LMOD3: variants seen among roughly 807,000 people sequenced by gnomAD.
The protein encoded by LMOD3 is leiomodin-3.
LMOD3 carries 31 observed loss-of-function variants against 41.8 expected under a neutral mutation model. That is an observed-to-expected ratio of 0.74 (90% CI 0.56 to 1.00). The LOEUF is 1.00. Ranked by LOEUF, LMOD3 falls within the 50% of genes least tolerant of loss-of-function variation. LMOD3 has a pLI of 0.00. For synonymous variants in LMOD3, 292 were observed against 241.9 expected, an observed-to-expected ratio of 1.21 and a Z score of -1.92; for missense variants, 755 against 679.5, an observed-to-expected ratio of 1.11 and a Z score of -1.23.
intron 2 of LMOD3, among the ~76,000 whole-genome samples, chr3:69,110,948 A>G (rs2092347613): frequency 6.6e-6 from 1 of 150,744 alleles, no homozygotes; most frequent in Non-Finnish European, 1.5e-5. Context: ...AACCCACTTC[A>G]TACTTCTGCC....
At position 69,122,142 on chromosome 3, in the gene LMOD3, C is replaced by A. The variant is rs1347733860; in HGVS notation, c.245G>T (p.Arg82Met). Residue 82 changes from arginine to methionine, a missense_variant, in exon 1 of 3, where the codon AGG (arginine) becomes ATG (methionine). By Grantham distance (91) the Arg-to-Met change is moderately conservative. Coordinates refer to ENST00000420581, the MANE Select transcript of LMOD3 (RefSeq NM_198271.5). ...VDYMYWEKAS[R>M]RMLEEERVPV... ...AACTCGTTCCTCTTCCAGCATGCGC[C>A]TGGATGCCTTTTCCCAATACATATA... 1 of 1,612,884 alleles carries A rather than the reference C, an allele frequency of 6.2e-7. No homozygotes were observed. Among genetic ancestry groups the A allele is most frequent in the East Asian group, 2.2e-5 (1 of 44,790 alleles).
Position 69,119,752 on chromosome 3 carries a change from GTC to G in LMOD3, c.601_602del (p.Asp201GlnfsTer9), listed in dbSNP as rs2107526689. The part of the protein sequence containing the change: ...VTDKAFKEQR[D>X]RPEAQEQSEK... ...CACTTTGTTCTTGGGCCTCTGGTCT[GTC>G]TCTCTGTTCTTTGAATGCTTTGTCA... is the stretch of plus-strand genomic sequence containing the variant. On this transcript the variant is annotated frameshift_variant, in exon 2 of 3. Coordinates refer to ENST00000420581, the MANE Select transcript of LMOD3 (RefSeq NM_198271.5). LOFTEE classifies it high-confidence loss of function. The G allele has an allele frequency of 1.2e-6, 2 of 1,613,700 alleles. No individual in the cohort carries two copies. Among genetic ancestry groups the G allele is most frequent in the East Asian group, 4.5e-5 (2 of 44,834 alleles).
intron 2 of LMOD3, 30 bp downstream of exon 2, chr3:69,118,669 C>A (rs915423189): frequency 6.3e-7 from 1 of 1,590,760 alleles, no homozygotes; most frequent in African/African-American, 1.3e-5. Context: ...GGAGGGTGCT[C>A]AGTCACCATT....
At position 69,119,440 on chromosome 3, in the gene LMOD3, C is replaced by T; in HGVS notation, c.915G>A (p.Met305Ile). The change falls in exon 2 of 3, where the codon ATG (methionine) becomes ATA (isoleucine). Residue 305 changes from methionine to isoleucine, a missense_variant. Transcript: ENST00000420581. ...TGGTGATGCTTCTATTTTCACGCAACATGTTAGCCAAGGCAAATGCTACAT... is the reference window on the plus strand; with the variant it reads ...TGGTGATGCTTCTATTTTCACGCAATATGTTAGCCAAGGCAAATGCTACAT... ...DENVAFALAN[M>I]LRENRSITTL... 6.2e-7 allele frequency: 1 copy of T among 1,614,010 alleles called. No individual in the cohort carries two copies. The highest frequency in any genetic ancestry group is 2.2e-5 in the East Asian group (1 of 44,888).
Position 69,118,749 on chromosome 3 carries a change from C to T in LMOD3, c.1606G>A (p.Asp536Asn), listed in dbSNP as rs536143048. 1.9e-6 allele frequency: 3 copies of T among 1,612,526 alleles called. No homozygotes were observed. Among genetic ancestry groups the T allele is most frequent in the Non-Finnish European group, 2.5e-6 (3 of 1,179,614 alleles). ...PPPLVEITPR[D>N]QLLNDIRHSS... ...TGACGAATGTCGTTTAGCAGCTGAT[C>T]TCTGGGAGTGATTTCCACCAATGGG... is the stretch of plus-strand genomic sequence containing the variant. The change falls in exon 2 of 3, where the codon GAT (aspartate) becomes AAT (asparagine). Residue 536 changes from aspartate to asparagine, a missense_variant. By Grantham distance (23) the Asp-to-Asn change is conservative (BLOSUM62 1). Coordinates refer to ENST00000420581, the MANE Select transcript of LMOD3 (RefSeq NM_198271.5).
Position 69,119,724 on chromosome 3 carries a change from TCTCA to T in LMOD3, c.627_630del (p.Ser209ArgfsTer7). ...TTAGGATCTAATTTCGATATTTTTTTCTCACTTTGTTCTTGGGCCTCTGGTCTGT... is the reference window on the plus strand; with the variant it reads ...TTAGGATCTAATTTCGATATTTTTTTCTTTGTTCTTGGGCCTCTGGTCTGT... On this transcript the variant is annotated frameshift_variant, in exon 2 of 3. Coordinates refer to ENST00000420581, the MANE Select transcript of LMOD3 (RefSeq NM_198271.5). LOFTEE classifies it high-confidence loss of function. The T allele has an allele frequency of 6.2e-7, 1 of 1,613,974 alleles. No individual in the cohort carries two copies.
In LMOD3 at chr3:69,106,956, C is replaced by T. The variant is rs1046045227; in HGVS notation, c.*2139G>A. The T allele has an allele frequency of 2.7e-5, 4 of 150,488 alleles. No homozygotes were observed. The highest frequency in any genetic ancestry group is 4.4e-5 in the Non-Finnish European group (3 of 67,770). The allele number at this position is 150,488 out of a possible 1,614,324, so 9.3% of individuals were successfully genotyped here. A position where few individuals can be genotyped will look rare whatever the true frequency, so the allele number is the denominator to read the frequency against. The stretch of plus-strand genomic sequence containing the variant: ...CTCCTGACCTCATGTGATTCACCCA[C>T]CTCGGCCGCCTACAGTGCTGGGATT... On this transcript the variant is annotated 3_prime_UTR_variant, in exon 3 of 3. Transcript: ENST00000420581.
chr3:69,122,456 A>C lies in LMOD3; in HGVS notation c.-70T>G. The C allele has an allele frequency of 8.4e-7, 1 of 1,186,836 alleles. No homozygotes were observed. 73.5% of individuals were successfully genotyped at this position (1,186,836 alleles called of 1,614,324 possible). On this transcript the variant is annotated 5_prime_UTR_variant, in exon 1 of 3. Coordinates refer to ENST00000420581, the MANE Select transcript of LMOD3 (RefSeq NM_198271.5). ...AGATGATTTTTAAAAAGAAGGAAAAAAGCCTCAAGAAGGTCCCCCAGTTAA... is the reference window on the plus strand; with the variant it reads ...AGATGATTTTTAAAAAGAAGGAAAACAGCCTCAAGAAGGTCCCCCAGTTAA...
chr3:69,119,113 C>T lies in LMOD3; in HGVS notation c.1242G>A (p.Lys414=), dbSNP rs770043249. Reference sequence around the variant, plus strand: ...CATTCTCTAACATGGCTATCAGCTTCTTCTGTTCCTTGAGTTGCTGCTGTT... The same window carrying T: ...CATTCTCTAACATGGCTATCAGCTTTTTCTGTTCCTTGAGTTGCTGCTGTT... ...EQKQQQLKEQ[K]KLIAMLENGL... Residue 414 remains lysine (K), a synonymous_variant, in exon 2 of 3, where the codon AAG becomes AAA. Coordinates refer to ENST00000420581, the MANE Select transcript of LMOD3 (RefSeq NM_198271.5). 6.2e-7 allele frequency: 1 copy of T among 1,613,812 alleles called. No homozygotes were observed. The highest frequency in any genetic ancestry group is 8.5e-7 in the Non-Finnish European group (1 of 1,179,858).
chr3:69,120,479 A>G (rs948028385), intron 1 of LMOD3, among the ~76,000 whole-genome samples: 4 of 151,736 alleles, frequency 2.6e-5, no homozygotes, highest in Non-Finnish European at 5.9e-5. Flanking sequence ...TAGAATAAGG[A>G]AATTATTGCC....
In LMOD3 at chr3:69,107,538, G is replaced by A. The variant is rs553030363; in HGVS notation, c.*1557C>T. On this transcript the variant is annotated 3_prime_UTR_variant, in exon 3 of 3. Transcript: ENST00000420581. ...GTCACCCAGGCTGGAGTACAGTGAC[G>A]TGATCTTGTCTCACTGCAACCTCTG... The A allele has an allele frequency of 1.2e-3, 160 of 129,040 alleles. No individual in the cohort carries two copies. The highest frequency in any genetic ancestry group is 4.1e-3 in the African/African-American group (136 of 33,294). The allele number at this position is 129,040 out of a possible 1,614,324, so 8.0% of individuals were successfully genotyped here. A position where few individuals can be genotyped will look rare whatever the true frequency, so the allele number is the denominator to read the frequency against.
chr3:69,122,359 G>A lies in LMOD3; in HGVS notation c.28C>T (p.Gln10Ter). The A allele has an allele frequency of 6.2e-7, 1 of 1,610,188 alleles. No homozygotes were observed. Among genetic ancestry groups the A allele is most frequent in the Non-Finnish European group, 8.5e-7 (1 of 1,177,388 alleles). Reference sequence around the variant, plus strand: ...ATCTCCTCATCGAGAAGTTCTTCTTGATCTGAATTTCTGCTGTGCTCTGAC... The same window carrying A: ...ATCTCCTCATCGAGAAGTTCTTCTTAATCTGAATTTCTGCTGTGCTCTGAC... MSEHSRNSD[Q>*]EELLDEEINE... is the part of the protein sequence containing the mutation. Residue 10 changes from glutamine (Q) to a stop codon, truncating the protein, a stop_gained, in exon 1 of 3, where the codon CAA becomes TAA. Coordinates refer to ENST00000420581, the MANE Select transcript of LMOD3 (RefSeq NM_198271.5). LOFTEE classifies it high-confidence loss of function.
chr3:69,122,060 C>A (rs1308850840), intron 1 of LMOD3, 33 bp downstream of exon 1: 14 of 1,569,610 alleles, frequency 8.9e-6, no homozygotes, highest in Non-Finnish European at 1.1e-5. Context: ...TCCCAGGCAG[C>A]CATTTCTCGG....
At position 69,106,146 on chromosome 3, in the gene LMOD3, A is replaced by G. The variant is rs565987453; in HGVS notation, c.*2949T>C. 6.6e-6 allele frequency: 1 copy of G among 152,368 alleles called. No individual in the cohort carries two copies. The highest frequency in any genetic ancestry group is 2.4e-5 in the African/African-American group (1 of 41,592). 9.4% of individuals were successfully genotyped at this position (152,368 alleles called of 1,614,324 possible). On this transcript the variant is annotated 3_prime_UTR_variant, in exon 3 of 3. Coordinates refer to ENST00000420581, the MANE Select transcript of LMOD3 (RefSeq NM_198271.5). Reference sequence around the variant, plus strand: ...GCGACGACCCTATAAACAGTGAAGCAAACACTTCAGCTGTTTCAAATACTG... The same window carrying G: ...GCGACGACCCTATAAACAGTGAAGCGAACACTTCAGCTGTTTCAAATACTG...
chr3:69,109,520 CT>C (rs923225067), intron 2 of LMOD3, among the ~76,000 whole-genome samples: 1,125 of 98,738 alleles, frequency 0.011, 2 homozygotes, highest in African/African-American at 0.028. Flanking sequence ...CATGTTAACA[CT>C]TTTTTTTTTT....
Position 69,119,073 on chromosome 3 carries a change from G to A in LMOD3, c.1282C>T (p.Pro428Ser), listed in dbSNP as rs1397712222. 4 of 1,613,762 alleles carry A rather than the reference G, an allele frequency of 2.5e-6. No individual in the cohort carries two copies. The highest frequency in any genetic ancestry group is 3.4e-6 in the Non-Finnish European group (4 of 1,179,858). ...CCTCCCAACAGCTCCCACATCCCAG[G>A]GGGCAGCCCCAACCCATTCTCTAAC... Reference protein sequence around the residue: ...AMLENGLGLPPGMWELLGGPK... With the variant: ...AMLENGLGLPSGMWELLGGPK... The change falls in exon 2 of 3, where the codon CCT becomes TCT. Residue 428 changes from proline to serine, a missense_variant. Coordinates refer to ENST00000420581, the MANE Select transcript of LMOD3 (RefSeq NM_198271.5).
At chr3:69,121,599 T>C (rs911772700) in intron 1 of LMOD3, among the ~76,000 whole-genome samples, 7 of 152,234 alleles carry the variant, frequency 4.6e-5, no homozygotes, top group African/African-American at 1.7e-4. Context: ...TAAGACATTT[T>C]CTGGTTATTC....
At chr3:69,109,520 CTTTTT>C (rs923225067) in intron 2 of LMOD3, among the ~76,000 whole-genome samples, 96 of 98,732 alleles carry the variant, frequency 9.7e-4, no homozygotes, top group African/African-American at 3.6e-3. Flanking sequence ...CATGTTAACA[CTTTTT>C]TTTTTTTTTT....
intron 2 of LMOD3, among the ~76,000 whole-genome samples, chr3:69,116,845 C>G (rs1009402610): frequency 6.6e-6 from 1 of 152,192 alleles, no homozygotes; most frequent in Non-Finnish European, 1.5e-5. Flanking sequence ...GCAGAGCACT[C>G]AGAAGTCAGG....
Sources: allele counts gnomAD v4.1 joint callset (sites outside exome capture counted in the v4.1 genomes callset), GRCh38; gene constraint gnomAD v4.1.1; transcripts MANE v1.5; gene names NCBI Gene and HGNC (gene_info 2026-07-23, HGNC 2026-07-21).